Variants in DUS3L observed in about 807,000 individuals in gnomAD.
The protein encoded by DUS3L is tRNA-dihydrouridine(47) synthase [NAD(P)(+)]-like.
DUS3L carries 62 observed loss-of-function variants against 74.6 expected under a neutral mutation model. That is an observed-to-expected ratio of 0.83 (90% CI 0.68 to 1.03). The LOEUF is 1.03. DUS3L is among the 50% of genes least tolerant of loss of function. The probability of loss-of-function intolerance (pLI) is 0.00; values close to 1 mark genes in which losing one functional copy is unlikely to be tolerated. For synonymous variants in DUS3L, 433 were observed against 395.7 expected, an observed-to-expected ratio of 1.09 and a Z score of -1.12; for missense variants, 884 against 924.4, an observed-to-expected ratio of 0.96 and a Z score of 0.57.
chr19:5,790,907 C>A, intron 1 of DUS3L, 137 bp downstream of exon 1: 3 of 845,108 alleles, frequency 3.5e-6, no homozygotes, highest in Non-Finnish European at 5.6e-6. Flanking sequence ...ACCCTGCAGG[C>A]GGAAGAACGG....
rs2056849478 is a variant in DUS3L, at chr19:5,786,967, A to T, written c.1389+94T>A. 11 of 1,485,458 alleles carry T rather than the reference A, an allele frequency of 7.4e-6. No individual in the cohort carries two copies. The African/African-American group carries it at 1.5e-4, about 21-fold the overall frequency. The allele number at this position is 1,485,458 out of a possible 1,614,324, so 92.0% of individuals were successfully genotyped here. A position where few individuals can be genotyped will look rare whatever the true frequency, so the allele number is the denominator to read the frequency against. On this transcript the variant is annotated intron_variant, in intron 8 of 12. Transcript: ENST00000309061. The stretch of plus-strand genomic sequence containing the variant: ...CAGGCGGAGACAGAGGGAGGTGTGG[A>T]GGTGAAGAGGGAGGGATGGGAGGAG...
At position 5,790,337 on chromosome 19, in the gene DUS3L, T is replaced by A; in HGVS notation, c.99-2A>T. Reference sequence around the variant, plus strand: ...AACTGCTCCTTGGTGGTGAGGTATCTGCCGACAGAAAGGGAAAGGAAAACC... The same window carrying A: ...AACTGCTCCTTGGTGGTGAGGTATCAGCCGACAGAAAGGGAAAGGAAAACC... On this transcript the variant is annotated splice_acceptor_variant, in intron 1 of 12. Transcript: ENST00000309061. LOFTEE classifies it high-confidence loss of function. 1.2e-6 allele frequency: 2 copies of A among 1,613,894 alleles called. No homozygotes were observed. The highest frequency in any genetic ancestry group is 4.5e-5 in the East Asian group (2 of 44,878).
chr19:5,788,569 CTCA>C (rs1355206890), intron 3 of DUS3L, among the ~76,000 whole-genome samples, 171 bp from the exon 4 acceptor site: 2 of 152,164 alleles, frequency 1.3e-5, no homozygotes, highest in African/African-American at 4.8e-5. Context: ...TGTTCCTTTC[CTCA>C]TCGTCTCCTC....
chr19:5,787,177 G>GGA lies in DUS3L; in HGVS notation c.1279-8_1279-7dup. 3.0e-6 allele frequency: 2 copies of GGA among 662,684 alleles called. No homozygotes were observed. The highest frequency in any genetic ancestry group is 2.0e-6 in the Non-Finnish European group (1 of 495,022). The allele number at this position is 662,684 out of a possible 1,614,324, so 41.1% of individuals were successfully genotyped here. On this transcript the variant is annotated splice_polypyrimidine_tract_variant and splice_region_variant and intron_variant, in intron 7 of 12. Coordinates refer to ENST00000309061, the MANE Select transcript of DUS3L (RefSeq NM_020175.3). ...GTCAGCGGCACATCCAGCACCTACAGGACGGTGGTGGGAGGTGGTGGGAGA... is the reference window on the plus strand; with the variant it reads ...GTCAGCGGCACATCCAGCACCTACAGGAGACGGTGGTGGGAGGTGGTGGGAGA...
At chr19:5,790,782 C>T (rs768074265) in intron 1 of DUS3L, 5 of 587,224 alleles carry the variant, frequency 8.5e-6, no homozygotes, top group Non-Finnish European at 1.5e-5. Flanking sequence ...GGACTACAAT[C>T]CCCAGTATGC....
chr19:5,790,699 G>A (rs2056901378), intron 1 of DUS3L: 2 of 540,914 alleles, frequency 3.7e-6, no homozygotes, highest in Admixed American at 3.4e-5. Context: ...ACGCCCCGCG[G>A]CACTCGCTTC....
chr19:5,786,820 C>G lies in DUS3L; in HGVS notation c.1415G>C (p.Arg472Pro). 2.5e-6 allele frequency: 4 copies of G among 1,611,090 alleles called. No individual in the cohort carries two copies. Among genetic ancestry groups the G allele is most frequent in the Non-Finnish European group, 3.4e-6 (4 of 1,179,450 alleles). ...CTGCCAGTCGGCTAGCTTGGTGTAG[C>G]GCTGCTCCCGAGAGCGGCCGTGGAG... Reference protein sequence around the residue: ...VTLHGRSREQRYTKLADWQYI... With the variant: ...VTLHGRSREQPYTKLADWQYI... Residue 472 changes from arginine to proline, a missense_variant, in exon 9 of 13, where the codon CGC becomes CCC. Physicochemically the swap from Arg to Pro is moderately radical, Grantham distance 103 (BLOSUM62 -2). Transcript: ENST00000309061.
intron 3 of DUS3L, among the ~76,000 whole-genome samples, chr19:5,788,849 G>A (rs534641022): frequency 5.9e-5 from 9 of 152,120 alleles, no homozygotes; most frequent in African/African-American, 1.7e-4. Flanking sequence ...TGGAATTACA[G>A]GTGCCCGCCA....
chr19:5,786,055 A>G (rs1039343458), intron 10 of DUS3L: 32 of 506,530 alleles, frequency 6.3e-5, no homozygotes, highest in Non-Finnish European at 1.0e-4. Context: ...AGGTTCAGGC[A>G]ATTGTCCTGC....
intron 1 of DUS3L, among the ~76,000 whole-genome samples, chr19:5,790,554 T>C (rs896755389): frequency 6.6e-6 from 1 of 152,074 alleles, no homozygotes; most frequent in Admixed American, 6.6e-5. Context: ...GAAACTATTA[T>C]CAGGTTCAGT....
chr19:5,788,429 C>T (rs1892519508), intron 3 of DUS3L, 31 bp from the exon 4 acceptor site: 1 of 1,603,362 alleles, frequency 6.2e-7, no homozygotes, highest in South Asian at 1.1e-5. Flanking sequence ...ACAAGTGGAG[C>T]TTGGCCTCCA....
rs1568386869 is a variant in DUS3L, at chr19:5,787,705, G to A, written c.1096C>T (p.Leu366=). The A allele has an allele frequency of 6.2e-7, 1 of 1,612,968 alleles. No individual in the cohort carries two copies. Among genetic ancestry groups the A allele is most frequent in the Non-Finnish European group, 8.5e-7 (1 of 1,179,914 alleles). ...HQCEDIFGVQ[L]EGAFPDTMTK... Reference sequence around the variant, plus strand: ...ATGGTGTCGGGGAAGGCGCCCTCCAGCTGTAGGTGGGTAGTGGCAGAACAG... The same window carrying A: ...ATGGTGTCGGGGAAGGCGCCCTCCAACTGTAGGTGGGTAGTGGCAGAACAG... The change falls in exon 6 of 13, where the codon CTG becomes TTG. Residue 366 remains leucine (L), a splice_region_variant and synonymous_variant. Transcript: ENST00000309061.
At chr19:5,787,209 G>T in intron 7 of DUS3L, 38 bp from the exon 8 acceptor site, 1 of 1,430,340 alleles carries the variant, frequency 7.0e-7, no homozygotes, top group South Asian at 1.2e-5. Context: ...GAGATGGTGG[G>T]AGGTGGTGGG....
intron 4 of DUS3L, 27 bp from the exon 5 acceptor site, chr19:5,788,203 A>G (rs2056873690): frequency 1.2e-6 from 2 of 1,612,638 alleles, no homozygotes; most frequent in Non-Finnish European, 1.7e-6. Context: ...ACAGACACAC[A>G]TGCTCTTGCA....
At chr19:5,790,698 G>A (rs1421983596) in intron 1 of DUS3L, 2 of 542,102 alleles carry the variant, frequency 3.7e-6, no homozygotes. Context: ...CACGCCCCGC[G>A]GCACTCGCTT....
At position 5,788,187 on chromosome 19, in the gene DUS3L, A is replaced by G. The variant is rs758726731; in HGVS notation, c.943-11T>C. 1.2e-6 allele frequency: 2 copies of G among 1,612,586 alleles called. No homozygotes were observed. Among genetic ancestry groups the G allele is most frequent in the African/African-American group, 1.3e-5 (1 of 74,748 alleles). On this transcript the variant is annotated splice_polypyrimidine_tract_variant and intron_variant, in intron 4 of 12. Coordinates refer to ENST00000309061, the MANE Select transcript of DUS3L (RefSeq NM_020175.3). ...GGGCAGGTTCCCACACTGCGGGGGG[A>G]GCAGGACAGACACACATGCTCTTGC...
intron 1 of DUS3L, 200 bp downstream of exon 1, chr19:5,790,844 T>C (rs897606917): frequency 1.6e-6 from 1 of 613,610 alleles, no homozygotes; most frequent in East Asian, 2.8e-5. Flanking sequence ...CGTGGTGTCC[T>C]TCGCGCATGT....
chr19:5,785,308 C>T, intron 12 of DUS3L, 33 bp from the exon 13 acceptor site: 1 of 1,609,716 alleles, frequency 6.2e-7, no homozygotes, highest in Non-Finnish European at 8.5e-7. Context: ...CGAGGTCAGG[C>T]CCAGGACCTG....
chr19:5,785,348 G>T (rs559023220), intron 12 of DUS3L, 35 bp downstream of exon 12: 10 of 1,605,110 alleles, frequency 6.2e-6, no homozygotes, highest in South Asian at 2.2e-5. Context: ...CCGGGCCCCC[G>T]ACTGCAGCTC....
Sources: allele counts gnomAD v4.1 joint callset (sites outside exome capture counted in the v4.1 genomes callset), GRCh38; gene constraint gnomAD v4.1.1; transcripts MANE v1.5; gene names NCBI Gene and HGNC (gene_info 2026-07-23, HGNC 2026-07-21).